Variants in CELF2 observed in about 807,000 individuals in gnomAD.
CELF2 encodes CUG triplet repeat RNA-binding protein 2.
Under a neutral mutation model 62.6 loss-of-function variants are expected in CELF2, and 8 were observed. That is an observed-to-expected ratio of 0.13 (90% CI 0.07 to 0.23). The LOEUF (loss-of-function observed/expected upper bound fraction) is 0.23, where lower values mean the gene tolerates loss of function less well. Among genes scored for constraint, CELF2 ranks in the 10% least tolerant of loss-of-function variants. The pLI, the probability that CELF2 is intolerant of heterozygous loss-of-function variation, is 1.00. For synonymous variants in CELF2, 258 were observed against 250.0 expected (o/e 1.03, Z -0.30); for missense variants, 333 against 671.0 (o/e 0.50, Z 5.56).
chr10:10,760,844 G>A, the CELF2 span, among the ~76,000 whole-genome samples: 1 of 152,196 alleles, frequency 6.6e-6, no homozygotes, highest in Non-Finnish European at 1.5e-5. Context: ...CAGGGCTCAG[G>A]GAAGGAGAGA....
chr10:11,216,205 T>A (rs1024314087), intron 2 of CELF2, among the ~76,000 whole-genome samples: 2 of 152,224 alleles, frequency 1.3e-5, no homozygotes, highest in African/African-American at 4.8e-5. Context: ...CAGTAGACTC[T>A]AACTAAATCA....
chr10:11,276,159 T>G (rs1163222119), intron 8 of CELF2, among the ~76,000 whole-genome samples: 2 of 152,198 alleles, frequency 1.3e-5, no homozygotes, highest in Non-Finnish European at 2.9e-5. Context: ...TTTTTCTTGT[T>G]TCACTTCAAA....
intron 1 of CELF2, among the ~76,000 whole-genome samples, chr10:11,139,571 G>A (rs952057813): frequency 6.6e-6 from 1 of 152,160 alleles, no homozygotes; most frequent in Non-Finnish European, 1.5e-5. Flanking sequence ...CTTCCATATA[G>A]ATTATGTGAT....
chr10:10,918,099 T>C (rs1329899278), intron 1 of CELF2: 1 of 152,218 alleles, frequency 6.6e-6, no homozygotes, highest in Non-Finnish European at 1.5e-5. Context: ...GTTCATTCAT[T>C]CCTGATAAGA....
the CELF2 span, among the ~76,000 whole-genome samples, chr10:10,711,603 C>G: frequency 6.6e-6 from 1 of 152,122 alleles, no homozygotes; most frequent in East Asian, 1.9e-4. Flanking sequence ...GGCAGGGGTG[C>G]AGGCACGGTG....
At chr10:10,578,565 A>G in the CELF2 span, among the ~76,000 whole-genome samples, 1 of 152,138 alleles carries the variant, frequency 6.6e-6, no homozygotes, top group Non-Finnish European at 1.5e-5. Context: ...GTCCTCTGTT[A>G]TCGTATATCA....
chr10:10,879,572 A>G (rs112751728), intron 1 of CELF2, among the ~76,000 whole-genome samples: 104 of 152,240 alleles, frequency 6.8e-4, no homozygotes, highest in African/African-American at 2.3e-3. Flanking sequence ...TGGAAGGGAT[A>G]AATGGCAATT....
chr10:11,155,972 A>G (rs568337833), intron 1 of CELF2, among the ~76,000 whole-genome samples: 2 of 152,384 alleles, frequency 1.3e-5, no homozygotes, highest in East Asian at 1.9e-4. Flanking sequence ...GATAAAATGA[A>G]TAATGAATGG....
chr10:10,569,062 G>A, the CELF2 span, among the ~76,000 whole-genome samples: 2 of 152,186 alleles, frequency 1.3e-5, no homozygotes, highest in Non-Finnish European at 2.9e-5. Flanking sequence ...TTGAAACAGA[G>A]CAGAAAACTA....
rs2062209676 is a variant in CELF2 at position 10,892,397 on chromosome 10, C to G, written c.54-27567C>G. Among the ~76,000 whole-genome samples, 3 of 152,284 alleles carry G rather than the reference C, an allele frequency of 2.0e-5. No individual in the cohort carries two copies. In the South Asian group the frequency reaches 6.2e-4, roughly 32 times the overall value. On this transcript the variant is annotated intron_variant, in intron 1 of 13. Transcript: ENST00000636488. The stretch of plus-strand genomic sequence containing the variant: ...CCCCAGAGCTCCTCATCTCCTTGGC[C>G]TGACCTGGAGCACACACTCATGTTC...
chr10:10,722,835 C>T, the CELF2 span, among the ~76,000 whole-genome samples: 1 of 152,140 alleles, frequency 6.6e-6, no homozygotes, highest in African/African-American at 2.4e-5. Flanking sequence ...TTTAAAATAA[C>T]CACCTGGATT....
intron 1 of CELF2, among the ~76,000 whole-genome samples, chr10:10,871,136 G>A (rs530780603): frequency 6.6e-6 from 1 of 152,300 alleles, no homozygotes; most frequent in South Asian, 2.1e-4. Context: ...AGCTGAGCTG[G>A]GGACACTGGT....
At position 11,217,060 on chromosome 10, in the gene CELF2, G is replaced by C. The variant is rs996026959; in HGVS notation, c.272-365G>C. Among the ~76,000 whole-genome samples, 1 of 152,204 alleles carries C rather than the reference G, an allele frequency of 6.6e-6. No individual in the cohort carries two copies. The highest frequency in any genetic ancestry group is 1.5e-5 in the Non-Finnish European group (1 of 68,050). On this transcript the variant is annotated intron_variant, in intron 2 of 12. Coordinates refer to ENST00000633077, the MANE Select transcript of CELF2 (RefSeq NM_001326342.2). This position sits in a 1 kb window ranked among gnomAD's most constrained non-coding sequence, Gnocchi z 5.6. Reference sequence around the variant, plus strand: ...ACACTTTAAGAAAATTATAATTAATGTAAGCTTGTGCTGTTGTTATTGTGA... The same window carrying C: ...ACACTTTAAGAAAATTATAATTAATCTAAGCTTGTGCTGTTGTTATTGTGA...
chr10:11,286,561 G>A (rs2091361038), intron 8 of CELF2, among the ~76,000 whole-genome samples: 1 of 152,184 alleles, frequency 6.6e-6, no homozygotes, highest in African/African-American at 2.4e-5. Flanking sequence ...CCCTTGCTGG[G>A]GCCATGTTGG....
Position 11,247,988 on chromosome 10 carries a change from G to T in CELF2, c.355-1165G>T, listed in dbSNP as rs2076127963. ...TGACTGCCTGATGATAATTTCCCATGATGAAAGTATCAGAGCCAAGTGCCA... is the reference window on the plus strand; with the variant it reads ...TGACTGCCTGATGATAATTTCCCATTATGAAAGTATCAGAGCCAAGTGCCA... On this transcript the variant is annotated intron_variant, in intron 3 of 12. Transcript: ENST00000633077. This position sits in a 1 kb window ranked among gnomAD's most constrained non-coding sequence, Gnocchi z 5.4. Among the ~76,000 whole-genome samples the T allele has an allele frequency of 6.6e-6, 1 of 152,140 alleles. No homozygotes were observed. Among genetic ancestry groups the T allele is most frequent in the Non-Finnish European group, 1.5e-5 (1 of 68,022 alleles).
At chr10:11,080,020 C>T (rs764546406) in intron 1 of CELF2, among the ~76,000 whole-genome samples, 3 of 152,074 alleles carry the variant, frequency 2.0e-5, no homozygotes, top group Admixed American at 6.5e-5. Flanking sequence ...AATTGCTCTC[C>T]GGTTTATAAA....
chr10:10,686,739 A>C, the CELF2 span, among the ~76,000 whole-genome samples: 20 of 152,094 alleles, frequency 1.3e-4, no homozygotes, highest in African/African-American at 4.8e-4. Context: ...AGCCATGTGG[A>C]ACTGTGAGTC....
chr10:11,151,704 A>G (rs949364486), intron 1 of CELF2, among the ~76,000 whole-genome samples: 1 of 152,286 alleles, frequency 6.6e-6, no homozygotes, highest in South Asian at 2.1e-4. Context: ...TTCTGGACCA[A>G]ACCCTAACTT....
chr10:10,586,297 A>T, the CELF2 span, among the ~76,000 whole-genome samples: 1 of 152,112 alleles, frequency 6.6e-6, no homozygotes, highest in Non-Finnish European at 1.5e-5. Flanking sequence ...TTTCTCTGGA[A>T]TATCCTGGAA....
Sources: gnomAD v4.1 joint callset for allele counts (sites outside exome capture counted in the v4.1 genomes callset) on GRCh38, gnomAD v4.1.1 for gene constraint, Gnocchi (gnomAD v3.1) non-coding constraint, MANE v1.5 for transcripts, NCBI Gene and HGNC (gene_info 2026-07-23, HGNC 2026-07-21) for gene names.